RXRA: variants seen among roughly 807,000 people sequenced by gnomAD.
RXRA encodes retinoid X receptor alpha, also known as retinoic acid receptor RXR-alpha.
A neutral mutation model predicts 44.5 loss-of-function variants in RXRA; 5 were observed. The observed-to-expected ratio is 0.11, with a 90% CI of 0.06 to 0.24. The LOEUF is 0.24. RXRA is among the 10% of genes least tolerant of loss of function. The probability of loss-of-function intolerance (pLI) is 1.00; values close to 1 mark genes in which losing one functional copy is unlikely to be tolerated. For missense variants in RXRA, 412 were observed against 646.5 expected (o/e 0.64, Z 3.93); for synonymous variants, 291 against 271.4 (o/e 1.07, Z -0.71).
chr9:134,359,468 T>A (rs1216319749), intron 1 of RXRA, among the ~76,000 whole-genome samples: 1 of 152,054 alleles, frequency 6.6e-6, no homozygotes, highest in Non-Finnish European at 1.5e-5. Flanking sequence ...CTCCACCGGG[T>A]GCGCCCTCAC....
intron 9 of RXRA, 129 bp downstream of exon 9, chr9:134,434,336 G>T: frequency 1.5e-6 from 1 of 661,584 alleles, no homozygotes; most frequent in Non-Finnish European, 2.6e-6. Context: ...ATGCCAGCAG[G>T]TCCTGAGCAG....
At chr9:134,423,335 C>T (rs1012154155) in intron 6 of RXRA, 6 of 985,358 alleles carry the variant, frequency 6.1e-6, no homozygotes, top group Non-Finnish European at 7.2e-6. Context: ...TCCCAGCTGC[C>T]TAGAGGCCCG....
chr9:134,369,138 G>GT (rs1256096602), intron 1 of RXRA, among the ~76,000 whole-genome samples: 8 of 91,972 alleles, frequency 8.7e-5, no homozygotes, highest in East Asian at 6.9e-4. Flanking sequence ...GGTTGTGTGT[G>GT]GGGTTATGTG....
chr9:134,398,040 C>T (rs1237322734), intron 1 of RXRA, among the ~76,000 whole-genome samples: 1 of 151,998 alleles, frequency 6.6e-6, no homozygotes. Flanking sequence ...AGTGCGATGG[C>T]GCGATCTCTG....
intron 1 of RXRA, among the ~76,000 whole-genome samples, chr9:134,377,692 A>C (rs987829291): frequency 1.4e-4 from 21 of 151,794 alleles, no homozygotes; most frequent in Non-Finnish European, 2.4e-4. Context: ...GGAGCACTCT[A>C]CTCTTGCAGA....
Position 134,373,204 on chromosome 9 carries a change from C to T in RXRA, c.29-28428C>T, listed in dbSNP as rs114665359. ...TGGTAAGGCGGAAGTGTCTGGGGCCCGGGTGGGATGAAGGACTCGGGTCCC... is the reference window on the plus strand; with the variant it reads ...TGGTAAGGCGGAAGTGTCTGGGGCCTGGGTGGGATGAAGGACTCGGGTCCC... On this transcript the variant is annotated intron_variant, in intron 1 of 9. Transcript: ENST00000481739. Among the ~76,000 whole-genome samples the T allele has an allele frequency of 5.9e-3, 902 of 152,222 alleles. 11 individuals carry two copies. The highest frequency in any genetic ancestry group is 0.02 in the African/African-American group (823 of 41,516).
rs1245680616 is a variant in RXRA, at chr9:134,343,647, T to C, written c.28+16988T>C. Among the ~76,000 whole-genome samples the C allele has an allele frequency of 1.3e-5, 2 of 152,152 alleles. No individual in the cohort carries two copies. Among genetic ancestry groups the C allele is most frequent in the African/African-American group, 4.8e-5 (2 of 41,430 alleles). ...GCTTGAGGGGTCACGTCCCCTGCCC[T>C]GTCCCCATCTTGCTCAGTGGCCAGA... On this transcript the variant is annotated intron_variant, in intron 1 of 9. Coordinates refer to ENST00000481739, the MANE Select transcript of RXRA (RefSeq NM_002957.6). This position sits in a 1 kb window ranked among gnomAD's most constrained non-coding sequence, Gnocchi z 4.1.
chr9:134,377,960 G>A (rs1303653002), intron 1 of RXRA, among the ~76,000 whole-genome samples: 2 of 152,254 alleles, frequency 1.3e-5, no homozygotes, highest in South Asian at 2.1e-4. Flanking sequence ...CGGAAGGGCC[G>A]AGCTGGGGCA....
intron 1 of RXRA, among the ~76,000 whole-genome samples, chr9:134,346,135 C>T (rs1490503753): frequency 6.6e-6 from 1 of 152,142 alleles, no homozygotes; most frequent in Non-Finnish European, 1.5e-5. Flanking sequence ...GGCTCTACCA[C>T]TGCTGGCTCA....
At chr9:134,421,363 G>A (rs925075223) in intron 5 of RXRA, among the ~76,000 whole-genome samples, 23 of 152,072 alleles carry the variant, frequency 1.5e-4, no homozygotes, top group Non-Finnish European at 1.9e-4. Context: ...TTGGGCCCCA[G>A]CGTCTGTGAT....
Position 134,401,882 on chromosome 9 carries a change from G to T in RXRA, c.279G>T (p.Gln93His). 6.2e-7 allele frequency: 1 copy of T among 1,606,458 alleles called. No homozygotes were observed. The highest frequency in any genetic ancestry group is 8.5e-7 in the Non-Finnish European group (1 of 1,175,622). ...TGGGCTTCAGCACTGGCAGCCCCCA[G>T]GTGAGTGCGGGGCTGGGGCAAGGGG... ...PTLGFSTGSP[Q>H]LSSPMNPVSS... The change falls in exon 2 of 10, where the codon CAG becomes CAT. Residue 93 changes from glutamine to histidine, a missense_variant and splice_region_variant. By Grantham distance (24) the Gln-to-His change is conservative (BLOSUM62 0). Coordinates refer to ENST00000481739, the MANE Select transcript of RXRA (RefSeq NM_002957.6).
chr9:134,436,410 C>T (rs1831621244), intron 9 of RXRA, 57 bp from the exon 10 acceptor site: 3 of 1,579,170 alleles, frequency 1.9e-6, no homozygotes, highest in South Asian at 1.1e-5. Flanking sequence ...GCCTCCAGTG[C>T]CAGGGCAGAA....
chr9:134,352,099 C>G (rs993339694), intron 1 of RXRA, among the ~76,000 whole-genome samples: 1 of 152,208 alleles, frequency 6.6e-6, no homozygotes, highest in South Asian at 2.1e-4. Context: ...CAGAGGCTGT[C>G]GAAGGCAGAG....
intron 1 of RXRA, chr9:134,380,106 C>T: frequency 2.0e-6 from 2 of 985,476 alleles, no homozygotes; most frequent in Non-Finnish European, 2.4e-6. Flanking sequence ...GTCGTGCCGC[C>T]TGAGGGCCAA....
intron 6 of RXRA, chr9:134,422,494 C>T (rs1349456099): frequency 3.3e-6 from 4 of 1,224,070 alleles, no homozygotes; most frequent in Non-Finnish European, 1.1e-6. Context: ...ACTCCCCCCT[C>T]CCAGGACACT....
intron 1 of RXRA, among the ~76,000 whole-genome samples, chr9:134,399,701 A>G (rs1214064766): frequency 6.6e-6 from 1 of 152,240 alleles, no homozygotes; most frequent in Non-Finnish European, 1.5e-5. Context: ...TTTTAGTTCA[A>G]TGAAATGGCT....
intron 1 of RXRA, among the ~76,000 whole-genome samples, chr9:134,396,349 C>G (rs1830878709): frequency 6.6e-6 from 1 of 152,148 alleles, no homozygotes; most frequent in Non-Finnish European, 1.5e-5. Context: ...CTTGACGCGC[C>G]GTGGTCCCTG....
rs1490978569 is a variant in RXRA at position 134,437,248 on chromosome 9, T to C, written c.*634T>C. 1 of 153,228 alleles carries C rather than the reference T, an allele frequency of 6.5e-6. No homozygotes were observed. Among genetic ancestry groups the C allele is most frequent in the Non-Finnish European group, 1.5e-5 (1 of 68,570 alleles). The allele number at this position is 153,228 out of a possible 1,614,324, so 9.5% of individuals were successfully genotyped here. ...GGTAGCCCCTTTTTCCAAAGATAACTCACAGTTTTGCCCTCGAGCCAATGA... is the reference window on the plus strand; with the variant it reads ...GGTAGCCCCTTTTTCCAAAGATAACCCACAGTTTTGCCCTCGAGCCAATGA... On this transcript the variant is annotated 3_prime_UTR_variant, in exon 10 of 10. Coordinates refer to ENST00000481739, the MANE Select transcript of RXRA (RefSeq NM_002957.6).
At chr9:134,424,361 T>C (rs1831399802) in intron 6 of RXRA, 1 of 985,288 alleles carries the variant, frequency 1.0e-6, no homozygotes, top group African/African-American at 1.7e-5. Flanking sequence ...CCGGGAGATC[T>C]CTGCGGCTGC....
Sources: gnomAD v4.1 joint callset for allele counts (sites outside exome capture counted in the v4.1 genomes callset) on GRCh38, gnomAD v4.1.1 for gene constraint, Gnocchi (gnomAD v3.1) non-coding constraint, MANE v1.5 for transcripts, NCBI Gene and HGNC (gene_info 2026-07-23, HGNC 2026-07-21) for gene names.